The following DAW1 variants were observed in gnomAD, a reference collection of about 807,000 sequenced individuals.
DAW1 encodes the protein dynein assembly factor with WD repeats 1.
Under a neutral mutation model 56.5 loss-of-function variants are expected in DAW1, and 47 were observed. The ratio of observed to expected loss-of-function variants is 0.83; its 90% CI spans 0.66 to 1.06. The LOEUF is 1.06. Among genes scored for constraint, DAW1 ranks in the 50% least tolerant of loss-of-function variants. The pLI, the probability that DAW1 is intolerant of heterozygous loss-of-function variation, is 0.00. For missense variants in DAW1, 505 were observed against 499.3 expected (o/e 1.01, Z -0.11); for synonymous variants, 190 against 179.0 (o/e 1.06, Z -0.49).
At chr2:227,886,995 TATA>T (rs1359131607) in intron 2 of DAW1, among the ~76,000 whole-genome samples, 2 of 152,220 alleles carry the variant, frequency 1.3e-5, no homozygotes, top group East Asian at 3.8e-4. Flanking sequence ...TCTCTAGTTT[TATA>T]ATGAGTCCAC....
At chr2:227,876,485 T>G in intron 1 of DAW1, 1 of 1,302,410 alleles carries the variant, frequency 7.7e-7, no homozygotes, top group South Asian at 1.2e-5. Context: ...AAGATACTAC[T>G]GAATAGCAGG....
chr2:227,891,151 G>A, intron 3 of DAW1, 104 bp from the exon 4 acceptor site: 2 of 980,922 alleles, frequency 2.0e-6, no homozygotes, highest in Admixed American at 4.1e-5. Flanking sequence ...GCCTGTTTCT[G>A]ATGTATAATT....
At chr2:227,898,313 A>G (rs1574658618) in intron 6 of DAW1, 32 bp downstream of exon 6, 1 of 1,078,182 alleles carries the variant, frequency 9.3e-7, no homozygotes. Flanking sequence ...TTATTATTTT[A>G]TGTATATATA....
At chr2:227,923,532 G>A (rs1414933248) in intron 12 of DAW1, among the ~76,000 whole-genome samples, 1 of 152,162 alleles carries the variant, frequency 6.6e-6, no homozygotes, top group Non-Finnish European at 1.5e-5. Context: ...TTCCAAAGTG[G>A]TATGTCCTGC....
In DAW1 at chr2:227,902,069, G is replaced by A. The variant is rs1016724877; in HGVS notation, c.541-933G>A. ...CTGTTGAGGAGGGGTGAGGATGGAA[G>A]TAGAGGCAGGAGTGGGGAACAGGAG... On this transcript the variant is annotated intron_variant, in intron 6 of 12. Coordinates refer to ENST00000309931, the MANE Select transcript of DAW1 (RefSeq NM_178821.3). Among the ~76,000 whole-genome samples the A allele has an allele frequency of 2.6e-5, 4 of 152,304 alleles. No individual in the cohort carries two copies. In the South Asian group the frequency reaches 6.2e-4, roughly 24 times the overall value.
In DAW1 at chr2:227,903,033, T is replaced by A; in HGVS notation, c.572T>A (p.Leu191Ter). 6.2e-7 allele frequency: 1 copy of A among 1,614,164 alleles called. No individual in the cohort carries two copies. Among genetic ancestry groups the A allele is most frequent in the Non-Finnish European group, 8.5e-7 (1 of 1,180,018 alleles). ...VCLSFNPQST[L>*]VATGSMDTTA... is the part of the protein sequence containing the mutation. ...TTATCATTTAACCCTCAAAGCACAT[T>A]GGTGGCGACTGGAAGTATGGACACA... Residue 191 changes from leucine to a stop codon, truncating the protein, a stop_gained, in exon 7 of 13, where the codon TTG becomes TAG. Coordinates refer to ENST00000309931, the MANE Select transcript of DAW1 (RefSeq NM_178821.3). LOFTEE classifies it high-confidence loss of function.
rs139057280 is a variant in DAW1 at position 227,905,013 on chromosome 2, G to A, written c.733G>A (p.Val245Met). The A allele has an allele frequency of 4.5e-5, 73 of 1,613,332 alleles. No homozygotes were observed. The African/African-American group carries it at 5.6e-4, about 12-fold the overall frequency. The change falls in exon 8 of 13, where the codon GTG (valine) becomes ATG (methionine). Residue 245 changes from valine (V) to methionine (M), a missense_variant. Val to Met is a conservative substitution (Grantham distance 21, BLOSUM62 1). Transcript: ENST00000309931. ...ITGSFDHTVV[V>M]WDADTGRKVN... ...GGGGTCTTTTGATCATACCGTTGTA[G>A]TGTGGGACGCTGATACTGGAAGGTA...
At chr2:227,890,021 CAGAT>C (rs2106194055) in intron 3 of DAW1, 21 bp downstream of exon 3, 1 of 1,496,766 alleles carries the variant, frequency 6.7e-7, no homozygotes, top group South Asian at 1.4e-5. Flanking sequence ...TAAAAACAAT[CAGAT>C]AGAAGAATTT....
At chr2:227,913,928 T>TATCTTCATCA (rs201424453) in intron 10 of DAW1, among the ~76,000 whole-genome samples, 3 of 147,558 alleles carry the variant, frequency 2.0e-5, no homozygotes, top group African/African-American at 7.6e-5. Flanking sequence ...TCTATCTATC[T>TATCTTCATCA]TCATCATCAT....
rs1691266738 is a variant in DAW1, at chr2:227,891,452, T to A, written c.317+139T>A. The A allele has an allele frequency of 8.6e-6, 6 of 696,900 alleles. No homozygotes were observed. In the South Asian group the frequency reaches 1.2e-4, roughly 14 times the overall value. The allele number at this position is 696,900 out of a possible 1,614,324, so 43.2% of individuals were successfully genotyped here. On this transcript the variant is annotated intron_variant, in intron 4 of 12. Coordinates refer to ENST00000309931, the MANE Select transcript of DAW1 (RefSeq NM_178821.3). ...CTCCCTTGGATACTGAGGAGAAATA[T>A]AAACCCTTTCTCCCACTCTTCTAAT... is the stretch of plus-strand genomic sequence containing the variant.
chr2:227,909,232 T>TTATCTATCTATCTATCTATCTATC (rs3057690), intron 10 of DAW1, among the ~76,000 whole-genome samples: 12 of 138,876 alleles, frequency 8.6e-5, no homozygotes, highest in East Asian at 2.1e-4. Flanking sequence ...GGTGGTGATA[T>TTATCTATCTATCTATCTATCTATC]TATCTATCTA....
At chr2:227,901,556 G>C (rs1691546676) in intron 6 of DAW1, among the ~76,000 whole-genome samples, 2 of 152,102 alleles carry the variant, frequency 1.3e-5, no homozygotes, top group Non-Finnish European at 1.5e-5. Flanking sequence ...GGAGGATGGA[G>C]AAGAGAGAAC....
intron 10 of DAW1, among the ~76,000 whole-genome samples, chr2:227,914,240 T>C (rs148957904): frequency 6.6e-6 from 1 of 152,166 alleles, no homozygotes; most frequent in African/African-American, 2.4e-5. Context: ...GATTATCTTA[T>C]ATTTTGGGTC....
At chr2:227,896,082 T>C (rs1691400282) in intron 5 of DAW1, among the ~76,000 whole-genome samples, 1 of 152,234 alleles carries the variant, frequency 6.6e-6, no homozygotes, top group Admixed American at 6.5e-5. Flanking sequence ...ATGTTAATTG[T>C]GATGGCACCA....
At chr2:227,901,010 T>C (rs1691529590) in intron 6 of DAW1, among the ~76,000 whole-genome samples, 1 of 152,170 alleles carries the variant, frequency 6.6e-6, no homozygotes, top group African/African-American at 2.4e-5. Context: ...CTGTTGAGAC[T>C]TTTTGACTAG....
At chr2:227,882,160 T>G (rs4973006) in intron 1 of DAW1, among the ~76,000 whole-genome samples, 73,546 of 152,102 alleles carry the variant, frequency 0.48, 17,997 homozygotes, top group Admixed American at 0.58. Flanking sequence ...ATTATATCTG[T>G]TATATCAAAC....
intron 10 of DAW1, among the ~76,000 whole-genome samples, chr2:227,913,674 C>T (rs763526484): frequency 1.3e-5 from 2 of 152,132 alleles, no homozygotes; most frequent in African/African-American, 4.8e-5. Context: ...TGATACTATA[C>T]ATGTGTCATC....
rs1030303670 is a variant in DAW1 at position 227,904,645 on chromosome 2, A to T, written c.649-284A>T. On this transcript the variant is annotated intron_variant, in intron 7 of 12. Coordinates refer to ENST00000309931, the MANE Select transcript of DAW1 (RefSeq NM_178821.3). ...AACCTCTTTCTTTTGTTTTTAATCAATATTATTAAGTTAAATGAACTAGCT... is the reference window on the plus strand; with the variant it reads ...AACCTCTTTCTTTTGTTTTTAATCATTATTATTAAGTTAAATGAACTAGCT... Among the ~76,000 whole-genome samples the T allele has an allele frequency of 4.6e-5, 7 of 152,192 alleles. No individual in the cohort carries two copies. In the South Asian group the frequency reaches 1.2e-3, roughly 27 times the overall value.
At chr2:227,884,921 A>G (rs947622607) in intron 1 of DAW1, among the ~76,000 whole-genome samples, 4 of 152,164 alleles carry the variant, frequency 2.6e-5, no homozygotes, top group Non-Finnish European at 5.9e-5. Context: ...GAACTGGAAC[A>G]GCCCCAAGCT....
Sources: gnomAD v4.1 joint callset for allele counts (sites outside exome capture counted in the v4.1 genomes callset) on GRCh38, gnomAD v4.1.1 for gene constraint, MANE v1.5 for transcripts, NCBI Gene and HGNC (gene_info 2026-07-23, HGNC 2026-07-21) for gene names.